TENM2: variants seen among roughly 807,000 people sequenced by gnomAD.
TENM2 encodes the protein teneurin transmembrane protein 2, also known as teneurin-2.
TENM2 carries 52 observed loss-of-function variants against 245.2 expected under a neutral mutation model. The observed-to-expected ratio is 0.21, with a 90% CI of 0.17 to 0.27. The LOEUF (loss-of-function observed/expected upper bound fraction) is 0.27. Among genes scored for constraint, TENM2 ranks in the 10% least tolerant of loss-of-function variants. TENM2 has a pLI of 1.00. For missense variants in TENM2, 3,046 were observed against 3,666.8 expected (o/e 0.83, Z 4.37); for synonymous variants, 1,363 against 1,438.9 (o/e 0.95, Z 1.19).
chr5:167,611,748 A>G (rs1225781911), intron 2 of TENM2, among the ~76,000 whole-genome samples: 3 of 152,052 alleles, frequency 2.0e-5, no homozygotes, highest in Non-Finnish European at 4.4e-5. Flanking sequence ...TTTCTGGTTC[A>G]TAGATGGCGC....
At chr5:168,036,700 T>TATAC (rs70976458) in intron 5 of TENM2, among the ~76,000 whole-genome samples, 2 of 94,914 alleles carry the variant, frequency 2.1e-5, no homozygotes, top group Non-Finnish European at 3.8e-5. Flanking sequence ...TATATATATA[T>TATAC]GTATGTGTAT....
At chr5:167,123,476 G>A in the TENM2 span, among the ~76,000 whole-genome samples, 3 of 152,068 alleles carry the variant, frequency 2.0e-5, no homozygotes, top group Non-Finnish European at 4.4e-5. Context: ...CTCTTCTGTT[G>A]ACCCATGATC....
the TENM2 span, among the ~76,000 whole-genome samples, chr5:167,092,371 C>T: frequency 1.3e-5 from 2 of 152,176 alleles, no homozygotes; most frequent in Admixed American, 6.5e-5. Context: ...TACAATATCA[C>T]TTTAATTATT....
chr5:167,414,948 T>G (rs1197745959), intron 2 of TENM2, among the ~76,000 whole-genome samples: 1 of 152,136 alleles, frequency 6.6e-6, no homozygotes, highest in Non-Finnish European at 1.5e-5. Flanking sequence ...TCAGTTAATA[T>G]TTTACTAAAT....
the TENM2 span, among the ~76,000 whole-genome samples, chr5:167,026,344 C>T: frequency 1.3e-5 from 2 of 152,196 alleles, no homozygotes; most frequent in African/African-American, 2.4e-5. Flanking sequence ...ACAAGGCCTG[C>T]GTTTCCACAT....
At chr5:167,998,463 A>G (rs1156363465) in intron 5 of TENM2, among the ~76,000 whole-genome samples, 1 of 152,190 alleles carries the variant, frequency 6.6e-6, no homozygotes, top group Non-Finnish European at 1.5e-5. Flanking sequence ...TTAACTCCAG[A>G]TAATCTTAGA....
chr5:168,091,168 G>C (rs988937270), intron 8 of TENM2, among the ~76,000 whole-genome samples: 6 of 152,116 alleles, frequency 3.9e-5, no homozygotes, highest in African/African-American at 1.4e-4. Context: ...GCATATAGTA[G>C]AGAAACTACT....
At chr5:167,176,157 C>G in the TENM2 span, among the ~76,000 whole-genome samples, 1 of 152,218 alleles carries the variant, frequency 6.6e-6, no homozygotes, top group Non-Finnish European at 1.5e-5. Context: ...GTGAGTCTTT[C>G]TCCTATTCTT....
At chr5:167,200,025 G>T in the TENM2 span, among the ~76,000 whole-genome samples, 1 of 151,998 alleles carries the variant, frequency 6.6e-6, no homozygotes, top group Non-Finnish European at 1.5e-5. Flanking sequence ...TCTTTGCCAG[G>T]CTGGTTTACA....
At chr5:167,783,788 A>G (rs1221781473) in intron 2 of TENM2, among the ~76,000 whole-genome samples, 3 of 152,204 alleles carry the variant, frequency 2.0e-5, no homozygotes, top group Non-Finnish European at 4.4e-5. Context: ...GGAATCACAC[A>G]GATGGTGTGG....
intron 2 of TENM2, among the ~76,000 whole-genome samples, chr5:167,483,308 C>T (rs1561992644): frequency 6.6e-6 from 1 of 152,166 alleles, no homozygotes; most frequent in African/African-American, 2.4e-5. Context: ...CTTCCCTCAC[C>T]TTACTGTGGA....
At chr5:166,989,080 T>A in the TENM2 span, among the ~76,000 whole-genome samples, 5 of 152,070 alleles carry the variant, frequency 3.3e-5, no homozygotes, top group African/African-American at 9.7e-5. Context: ...ATTAGATTTT[T>A]TTTTTTCTTG....
chr5:167,935,857 G>C (rs1778663996), intron 3 of TENM2, among the ~76,000 whole-genome samples: 1 of 152,098 alleles, frequency 6.6e-6, no homozygotes, highest in African/African-American at 2.4e-5. Context: ...GCAACATGCA[G>C]AGCTGTGCCA....
intron 2 of TENM2, among the ~76,000 whole-genome samples, chr5:167,682,107 TC>T (rs1756759649): frequency 1.1e-5 from 1 of 87,002 alleles, no homozygotes; most frequent in Non-Finnish European, 2.3e-5. Context: ...CCTCCCTCCC[TC>T]CCTCCCTCCC....
the TENM2 span, among the ~76,000 whole-genome samples, chr5:167,222,974 A>G: frequency 2.6e-4 from 39 of 152,314 alleles, no homozygotes; most frequent in African/African-American, 9.4e-4. Context: ...AAGTTTAGAA[A>G]GGGAAAAATA....
At chr5:167,675,536 C>T (rs193029702) in intron 2 of TENM2, among the ~76,000 whole-genome samples, 3 of 152,160 alleles carry the variant, frequency 2.0e-5, no homozygotes, top group Non-Finnish European at 2.9e-5. Context: ...ATCAAAGCAT[C>T]CCTGGGGTCA....
At chr5:167,679,619 A>G (rs2150371619) in intron 2 of TENM2, among the ~76,000 whole-genome samples, 1 of 152,286 alleles carries the variant, frequency 6.6e-6, no homozygotes, top group African/African-American at 2.4e-5. Context: ...TAAAAAGGTA[A>G]TTTAATAGGA....
chr5:167,281,051 G>C (rs1171713486), upstream of TENM2, among the ~76,000 whole-genome samples: 2 of 151,732 alleles, frequency 1.3e-5, no homozygotes, highest in African/African-American at 4.8e-5. Context: ...GATTTTTAAA[G>C]ATAAGAATCC....
At chr5:167,977,828 T>C (rs975562291) in intron 4 of TENM2, among the ~76,000 whole-genome samples, 1 of 152,218 alleles carries the variant, frequency 6.6e-6, no homozygotes, top group South Asian at 2.1e-4. Flanking sequence ...GACCATATTA[T>C]GTAGTTGGGA....
Sources: allele counts gnomAD v4.1 joint callset (sites outside exome capture counted in the v4.1 genomes callset), GRCh38; gene constraint gnomAD v4.1.1; transcripts MANE v1.5; gene names NCBI Gene and HGNC (gene_info 2026-07-23, HGNC 2026-07-21).